The following MRAP2 variants were observed in gnomAD, a reference collection of about 807,000 sequenced individuals.
MRAP2 encodes the protein melanocortin 2 receptor accessory protein 2, also known as melanocortin-2 receptor accessory protein 2.
A neutral mutation model predicts 17.4 loss-of-function variants in MRAP2; 20 were observed. The ratio of observed to expected loss-of-function variants is 1.15; its 90% CI spans 0.81 to 1.67. MRAP2 has a LOEUF of 1.67. Among genes scored for constraint, MRAP2 ranks in the 40% most tolerant of loss-of-function variants. MRAP2 has a pLI of 0.00. For synonymous variants in MRAP2, 96 were observed against 88.4 expected, an observed-to-expected ratio of 1.09 and a Z score of -0.48; for missense variants, 238 against 240.0, an observed-to-expected ratio of 0.99 and a Z score of 0.05.
At chr6:84,134,054 C>T in the MRAP2 span, among the ~76,000 whole-genome samples, 1 of 152,320 alleles carries the variant, frequency 6.6e-6, no homozygotes, top group East Asian at 1.9e-4. Context: ...AGATGCCCTG[C>T]CCAGAGAGGA....
upstream of MRAP2, chr6:84,033,724 C>T: frequency 1.0e-6 from 1 of 985,330 alleles, no homozygotes; most frequent in Non-Finnish European, 1.2e-6. Context: ...GCCGCCTCCG[C>T]TGCGGGTCGG....
intron 1 of MRAP2, among the ~76,000 whole-genome samples, chr6:84,034,168 G>C (rs967882098): frequency 1.1e-4 from 16 of 152,240 alleles, no homozygotes; most frequent in African/African-American, 3.8e-4. Flanking sequence ...GGCGGCGCTC[G>C]GGGCTTGGGT....
intron 1 of MRAP2, among the ~76,000 whole-genome samples, chr6:84,042,402 C>T (rs2099487829): frequency 6.6e-6 from 1 of 152,176 alleles, no homozygotes; most frequent in African/African-American, 2.4e-5. Context: ...TTCTAGGATT[C>T]TGAAGCAGAG....
chr6:84,053,798 C>G (rs1008224616), intron 1 of MRAP2, among the ~76,000 whole-genome samples: 2 of 152,170 alleles, frequency 1.3e-5, no homozygotes, highest in Non-Finnish European at 2.9e-5. Flanking sequence ...TTTCAGGGCT[C>G]TAGAGCAGGG....
At chr6:84,106,172 A>G in the MRAP2 span, among the ~76,000 whole-genome samples, 1 of 152,328 alleles carries the variant, frequency 6.6e-6, no homozygotes, top group East Asian at 1.9e-4. Flanking sequence ...TGGTAAGACC[A>G]GTGAATTCCA....
At chr6:84,126,787 ACTTT>A in the MRAP2 span, among the ~76,000 whole-genome samples, 63 of 152,258 alleles carry the variant, frequency 4.1e-4, no homozygotes, top group Non-Finnish European at 7.4e-4. Flanking sequence ...TGAAGTTGGC[ACTTT>A]CTTTAATGCA....
intron 1 of MRAP2, among the ~76,000 whole-genome samples, chr6:84,041,352 C>A (rs573421258): frequency 6.6e-6 from 1 of 152,214 alleles, no homozygotes. Context: ...CATGGAGAAC[C>A]TCTGTTAGGG....
At chr6:84,093,140 C>T (rs941233362), downstream of MRAP2, among the ~76,000 whole-genome samples, 4 of 152,140 alleles carry the variant, frequency 2.6e-5, no homozygotes, top group African/African-American at 9.7e-5. Context: ...TTATCTTGCC[C>T]TCACTCTGTC....
At chr6:84,069,188 G>A (rs1186958076) in intron 3 of MRAP2, among the ~76,000 whole-genome samples, 1 of 152,030 alleles carries the variant, frequency 6.6e-6, no homozygotes, top group Non-Finnish European at 1.5e-5. Context: ...AGTTCTCGGA[G>A]GGAACTTTTC....
the MRAP2 span, among the ~76,000 whole-genome samples, chr6:84,136,241 T>C: frequency 6.6e-6 from 1 of 150,882 alleles, no homozygotes; most frequent in East Asian, 1.9e-4. Flanking sequence ...GGTGGGCACA[T>C]GTCTTAGTCT....
At chr6:84,102,152 G>C in the MRAP2 span, among the ~76,000 whole-genome samples, 1 of 152,198 alleles carries the variant, frequency 6.6e-6, no homozygotes, top group Non-Finnish European at 1.5e-5. Context: ...TGGTAGCAGA[G>C]TGGCATGGTT....
At chr6:84,101,825 G>T in the MRAP2 span, among the ~76,000 whole-genome samples, 1 of 152,116 alleles carries the variant, frequency 6.6e-6, no homozygotes, top group South Asian at 2.1e-4. Context: ...GCAGTCATTT[G>T]CCTTTAAGCC....
the MRAP2 span, among the ~76,000 whole-genome samples, chr6:84,144,832 C>A: frequency 6.6e-6 from 1 of 152,204 alleles, no homozygotes; most frequent in East Asian, 1.9e-4. Context: ...TAGCTTAGAG[C>A]AATTTGGTAA....
At chr6:84,144,189 T>C in the MRAP2 span, among the ~76,000 whole-genome samples, 1 of 152,034 alleles carries the variant, frequency 6.6e-6, no homozygotes, top group African/African-American at 2.4e-5. Context: ...AATAGAGATG[T>C]CAAAGTAATT....
At chr6:84,128,185 C>A in the MRAP2 span, among the ~76,000 whole-genome samples, 1 of 152,136 alleles carries the variant, frequency 6.6e-6, no homozygotes, top group African/African-American at 2.4e-5. Context: ...ATTAAACATT[C>A]ATTGGTAAAT....
chr6:84,114,435 T>C, the MRAP2 span, among the ~76,000 whole-genome samples: 2 of 152,126 alleles, frequency 1.3e-5, no homozygotes, highest in African/African-American at 2.4e-5. Context: ...CATCAGGTCA[T>C]TGATGTTCTC....
At chr6:84,034,442 A>G (rs1325384256) in intron 1 of MRAP2, among the ~76,000 whole-genome samples, 1 of 151,872 alleles carries the variant, frequency 6.6e-6, no homozygotes, top group African/African-American at 2.4e-5. Context: ...TACTGATTAG[A>G]GGGAAATAGG....
the MRAP2 span, among the ~76,000 whole-genome samples, chr6:84,138,865 C>A: frequency 6.6e-6 from 1 of 152,152 alleles, no homozygotes; most frequent in Non-Finnish European, 1.5e-5. Flanking sequence ...ACATCTTAAA[C>A]ACTGAAAAGA....
intron 3 of MRAP2, among the ~76,000 whole-genome samples, chr6:84,085,451 T>C (rs2099500184): frequency 6.6e-6 from 1 of 152,222 alleles, no homozygotes; most frequent in Non-Finnish European, 1.5e-5. Flanking sequence ...GAAAATTCTT[T>C]AAATCTTGTC....
Sources: allele counts gnomAD v4.1 joint callset (sites outside exome capture counted in the v4.1 genomes callset), GRCh38; gene constraint gnomAD v4.1.1; transcripts MANE v1.5; gene names NCBI Gene and HGNC (gene_info 2026-07-23, HGNC 2026-07-21).